The following CFAP418 variants were observed in gnomAD, a reference collection of about 807,000 sequenced individuals.
CFAP418 encodes the protein cilia- and flagella-associated protein 418.
A neutral mutation model predicts 24.7 loss-of-function variants in CFAP418; 27 were observed. The observed-to-expected ratio is 1.09, with a 90% CI of 0.81 to 1.51. The LOEUF is 1.51. Among genes scored for constraint, CFAP418 ranks in the 40% most tolerant of loss-of-function variants. The probability of loss-of-function intolerance (pLI) is 0.00; values close to 1 mark genes in which losing one functional copy is unlikely to be tolerated. For synonymous variants in CFAP418, 74 were observed against 87.3 expected (o/e 0.85, Z 0.85); for missense variants, 257 against 255.2 (o/e 1.01, Z -0.05).
rs1261296427 is a variant in CFAP418, at chr8:95,269,101, G to A, written c.89C>T (p.Pro30Leu). 2 of 1,614,186 alleles carry A rather than the reference G, an allele frequency of 1.2e-6. No homozygotes were observed. The highest frequency in any genetic ancestry group is 1.7e-6 in the Non-Finnish European group (2 of 1,180,014). The change falls in exon 1 of 6, where the codon CCC (proline) becomes CTC (leucine). Residue 30 changes from proline (P) to leucine (L), a missense_variant. By Grantham distance (98) the Pro-to-Leu change is moderately conservative. Transcript: ENST00000286688. ...DLLRRGMVEQ[P>L]KGCGGGTHSS... ...GTGGGTGCCGCCGCCGCAGCCTTTGGGCTGCTCGACCATACCCCGTCTTAG... is the reference window on the plus strand; with the variant it reads ...GTGGGTGCCGCCGCCGCAGCCTTTGAGCTGCTCGACCATACCCCGTCTTAG...
At chr8:95,262,429 A>G (rs1240603585) in intron 2 of CFAP418, among the ~76,000 whole-genome samples, 1 of 152,098 alleles carries the variant, frequency 6.6e-6, no homozygotes, top group Non-Finnish European at 1.5e-5. Flanking sequence ...TTACCTAGGT[A>G]TTTTCAGTCC....
chr8:95,247,104 C>T lies in CFAP418; in HGVS notation c.*513G>A, dbSNP rs1369010319. The T allele has an allele frequency of 6.4e-6, 1 of 156,412 alleles. No homozygotes were observed. Among genetic ancestry groups the T allele is most frequent in the East Asian group, 1.9e-4 (1 of 5,286 alleles). 9.7% of individuals were successfully genotyped at this position (156,412 alleles called of 1,614,324 possible). On this transcript the variant is annotated 3_prime_UTR_variant, in exon 6 of 6. Transcript: ENST00000286688. The stretch of plus-strand genomic sequence containing the variant: ...TGTTTTTGCAAAATACCTGTAACTA[C>T]TTCTGAACACCCTTCAGTCAGCCAC...
At chr8:95,265,945 T>G (rs1811971527) in intron 1 of CFAP418, among the ~76,000 whole-genome samples, 1 of 152,214 alleles carries the variant, frequency 6.6e-6, no homozygotes, top group Non-Finnish European at 1.5e-5. Context: ...CATTCTAATC[T>G]TTTAAAGATA....
At chr8:95,267,470 G>A (rs186060800) in intron 1 of CFAP418, among the ~76,000 whole-genome samples, 1 of 152,100 alleles carries the variant, frequency 6.6e-6, no homozygotes, top group Non-Finnish European at 1.5e-5. Flanking sequence ...GCGTGGTGGC[G>A]GGCGCCTGTA....
chr8:95,253,876 A>AC (rs1271141504), intron 4 of CFAP418, among the ~76,000 whole-genome samples: 1 of 152,168 alleles, frequency 6.6e-6, no homozygotes, highest in East Asian at 1.9e-4. Context: ...ATGCCTTAAT[A>AC]CATATGTGCA....
At position 95,259,985 on chromosome 8, in the gene CFAP418, T is replaced by A. The variant is rs1017612315; in HGVS notation, c.309-80A>T. 2.3e-6 allele frequency: 3 copies of A among 1,309,594 alleles called. No individual in the cohort carries two copies. In the South Asian group the frequency reaches 4.1e-5, roughly 18 times the overall value. The allele number at this position is 1,309,594 out of a possible 1,614,324, so 81.1% of individuals were successfully genotyped here. A position where few individuals can be genotyped will look rare whatever the true frequency, so the allele number is the denominator to read the frequency against. On this transcript the variant is annotated intron_variant, in intron 3 of 5. Transcript: ENST00000286688. The stretch of plus-strand genomic sequence containing the variant: ...GTTAATTTGGCCATGTTAAAAAAAT[T>A]TTTGGTTTTATTGACTTTATGTTCT...
chr8:95,254,168 T>C (rs1811751734), intron 4 of CFAP418, among the ~76,000 whole-genome samples: 1 of 152,210 alleles, frequency 6.6e-6, no homozygotes, highest in Non-Finnish European at 1.5e-5. Context: ...GCAAGTTGTT[T>C]AAAAAATAAT....
chr8:95,268,947 G>T, intron 1 of CFAP418, 88 bp downstream of exon 1: 1 of 1,440,338 alleles, frequency 6.9e-7, no homozygotes. Context: ...TCGCGGGCAC[G>T]TTTCTTTTGG....
intron 4 of CFAP418, among the ~76,000 whole-genome samples, chr8:95,256,006 G>A (rs1811781398): frequency 6.6e-6 from 1 of 152,172 alleles, no homozygotes; most frequent in Non-Finnish European, 1.5e-5. Flanking sequence ...CTGTGCAGGA[G>A]GTAGAAATCA....
rs1235719438 is a variant in CFAP418 at position 95,244,980 on chromosome 8, ATTAC to A, written c.*2633_*2636del. ...AGTAAATAATACAGAGTAATTATTTATTACTTATTCATTTCTAGGCAGGATGAGG... is the reference window on the plus strand; with the variant it reads ...AGTAAATAATACAGAGTAATTATTTATTATTCATTTCTAGGCAGGATGAGG... On this transcript the variant is annotated 3_prime_UTR_variant, in exon 6 of 6. Coordinates refer to ENST00000286688, the MANE Select transcript of CFAP418 (RefSeq NM_177965.4). 2 of 152,188 alleles carry A rather than the reference ATTAC, an allele frequency of 1.3e-5. No individual in the cohort carries two copies. Among genetic ancestry groups the A allele is most frequent in the Non-Finnish European group, 2.9e-5 (2 of 68,034 alleles). 9.4% of individuals were successfully genotyped at this position (152,188 alleles called of 1,614,324 possible). A position where few individuals can be genotyped will look rare whatever the true frequency, so the allele number is the denominator to read the frequency against.
Position 95,247,208 on chromosome 8 carries a change from C to T in CFAP418, c.*409G>A. The stretch of plus-strand genomic sequence containing the variant: ...TGACTGGAAGAAGTGTTGTAGACAC[C>T]CCTAAATGATCTCTTTGCCCTGGCC... On this transcript the variant is annotated 3_prime_UTR_variant, in exon 6 of 6. Transcript: ENST00000286688. 1 of 176,568 alleles carries T rather than the reference C, an allele frequency of 5.7e-6. No homozygotes were observed. The highest frequency in any genetic ancestry group is 1.2e-5 in the Non-Finnish European group (1 of 82,120). The allele number at this position is 176,568 out of a possible 1,614,324, so 10.9% of individuals were successfully genotyped here.
intron 2 of CFAP418, among the ~76,000 whole-genome samples, chr8:95,261,415 T>C (rs1811889770): frequency 6.6e-6 from 1 of 152,202 alleles, no homozygotes; most frequent in South Asian, 2.1e-4. Context: ...CTCAGGCTTA[T>C]GACTCTAAGC....
chr8:95,252,538 G>T (rs1811724865), intron 4 of CFAP418, among the ~76,000 whole-genome samples: 1 of 152,164 alleles, frequency 6.6e-6, no homozygotes, highest in African/African-American at 2.4e-5. Context: ...ATATTATATA[G>T]ATATGAAAGA....
chr8:95,257,070 T>C (rs988188233), intron 4 of CFAP418, among the ~76,000 whole-genome samples: 1 of 152,194 alleles, frequency 6.6e-6, no homozygotes, highest in African/African-American at 2.4e-5. Flanking sequence ...GGATATTATC[T>C]TGAATGCTAT....
chr8:95,259,164 G>A (rs750634280), intron 4 of CFAP418, among the ~76,000 whole-genome samples: 17 of 152,218 alleles, frequency 1.1e-4, no homozygotes, highest in Non-Finnish European at 2.1e-4. Context: ...AATAAAGTAA[G>A]TTAGGTAAGT....
intron 4 of CFAP418, among the ~76,000 whole-genome samples, chr8:95,253,699 G>C (rs1442177211): frequency 1.3e-5 from 2 of 152,280 alleles, no homozygotes; most frequent in South Asian, 2.1e-4. Context: ...AATTTATGAA[G>C]TTGCATTTCT....
chr8:95,257,601 T>C (rs1369782182), intron 4 of CFAP418, among the ~76,000 whole-genome samples: 1 of 152,202 alleles, frequency 6.6e-6, no homozygotes, highest in Non-Finnish European at 1.5e-5. Context: ...AGTGGTCCTA[T>C]AGAATTATAA....
chr8:95,269,121 T>C lies in CFAP418; in HGVS notation c.69A>G (p.Arg23=). 1 of 1,614,144 alleles carries C rather than the reference T, an allele frequency of 6.2e-7. No individual in the cohort carries two copies. Residue 23 remains arginine, a synonymous_variant, in exon 1 of 6, where the codon AGA becomes AGG. Coordinates refer to ENST00000286688, the MANE Select transcript of CFAP418 (RefSeq NM_177965.4). ...CTTTGGGCTGCTCGACCATACCCCG[T>C]CTTAGAAGGTCAGGTGTGCAAAACT... The part of the protein sequence containing the change: ...ESKFCTPDLL[R]RGMVEQPKGC...
chr8:95,247,797 C>T, intron 5 of CFAP418, 27 bp from the exon 6 acceptor site: 6 of 1,565,278 alleles, frequency 3.8e-6, no homozygotes, highest in Non-Finnish European at 4.3e-6. Context: ...AAAGTTTTAG[C>T]ATAGTGGCTT....
Sources: gnomAD v4.1 joint callset for allele counts (sites outside exome capture counted in the v4.1 genomes callset) on GRCh38, gnomAD v4.1.1 for gene constraint, MANE v1.5 for transcripts, NCBI Gene and HGNC (gene_info 2026-07-23, HGNC 2026-07-21) for gene names.